PDE1C: variants seen among roughly 807,000 people sequenced by gnomAD.
PDE1C encodes the protein phosphodiesterase 1C.
In PDE1C, 62 loss-of-function variants were observed where a neutral mutation model predicts 93.1. The observed-to-expected ratio is 0.67, with a 90% CI of 0.54 to 0.82. The LOEUF (loss-of-function observed/expected upper bound fraction) is 0.82, where lower values mean the gene tolerates loss of function less well. PDE1C is among the 40% of genes least tolerant of loss of function. The probability of loss-of-function intolerance (pLI) is 0.00; values close to 1 mark genes in which losing one functional copy is unlikely to be tolerated. For synonymous variants in PDE1C, 325 were observed against 310.1 expected (o/e 1.05, Z -0.50); for missense variants, 742 against 884.6 (o/e 0.84, Z 2.04).
At chr7:31,935,551 G>A (rs556348761) in intron 2 of PDE1C, among the ~76,000 whole-genome samples, 12 of 152,020 alleles carry the variant, frequency 7.9e-5, no homozygotes, top group South Asian at 2.1e-4. Flanking sequence ...TGATACAAGC[G>A]CACATTCATT....
At chr7:31,960,694 T>G (rs1467709403) in intron 2 of PDE1C, among the ~76,000 whole-genome samples, 7 of 151,744 alleles carry the variant, frequency 4.6e-5, no homozygotes, top group African/African-American at 1.5e-4. Flanking sequence ...GGGTGAAGAG[T>G]GTATAGGAGT....
the PDE1C span, among the ~76,000 whole-genome samples, chr7:31,740,373 C>T: frequency 5.9e-3 from 892 of 152,258 alleles, 2 homozygotes; most frequent in Non-Finnish European, 0.01. Context: ...CAGACAGGCA[C>T]ATATAGATAT....
intron 7 of PDE1C, among the ~76,000 whole-genome samples, chr7:31,859,256 G>A (rs572554165): frequency 1.9e-4 from 29 of 149,560 alleles, no homozygotes; most frequent in African/African-American, 7.1e-4. Flanking sequence ...GAGAGAGTCA[G>A]GATCACAGTA....
At chr7:31,984,561 A>G (rs557025199) in intron 2 of PDE1C, among the ~76,000 whole-genome samples, 117 of 152,226 alleles carry the variant, frequency 7.7e-4, no homozygotes, top group Non-Finnish European at 1.1e-3. Flanking sequence ...TTGAAGGGCC[A>G]TGGTCCCCTT....
intron 2 of PDE1C, among the ~76,000 whole-genome samples, chr7:31,999,728 C>T (rs1785222108): frequency 3.3e-5 from 5 of 152,156 alleles, no homozygotes; most frequent in Admixed American, 3.3e-4. Context: ...TTACACTTTA[C>T]CATATACAAT....
chr7:31,837,366 A>T (rs1460953677), intron 10 of PDE1C, 66 bp from the exon 11 acceptor site: 1 of 1,421,144 alleles, frequency 7.0e-7, no homozygotes, highest in African/African-American at 1.5e-5. Flanking sequence ...AGAGTTTTTT[A>T]AAAATCATTA....
intron 2 of PDE1C, among the ~76,000 whole-genome samples, chr7:32,042,025 C>G (rs1183495498): frequency 6.6e-6 from 1 of 152,176 alleles, no homozygotes; most frequent in Non-Finnish European, 1.5e-5. Context: ...CCAGGCTGAG[C>G]ACAGTGGCTC....
the PDE1C span, among the ~76,000 whole-genome samples, chr7:31,635,737 G>C: frequency 6.6e-6 from 1 of 151,952 alleles, no homozygotes; most frequent in East Asian, 1.9e-4. Flanking sequence ...AGAACACATG[G>C]ACACAGGGAG....
the PDE1C span, chr7:31,642,206 A>C: frequency 6.4e-7 from 1 of 1,561,994 alleles, no homozygotes; most frequent in Non-Finnish European, 8.7e-7. Flanking sequence ...AATAGCTGCC[A>C]GTCTGACAGC....
chr7:32,237,742 GTATA>G (rs372356671), intron 1 of PDE1C, among the ~76,000 whole-genome samples: 2 of 31,232 alleles, frequency 6.4e-5, no homozygotes, highest in East Asian at 1.1e-3. Flanking sequence ...TTGGCTCTGT[GTATA>G]TATATATATA....
At chr7:31,756,084 A>C (rs1794446961) in intron 17 of PDE1C, among the ~76,000 whole-genome samples, 4 of 152,150 alleles carry the variant, frequency 2.6e-5, no homozygotes, top group Admixed American at 2.0e-4. Flanking sequence ...AGGCAGGAGA[A>C]TCGCTTGAAC....
upstream of PDE1C, among the ~76,000 whole-genome samples, chr7:32,303,056 C>G (rs529599509): frequency 1.8e-4 from 28 of 152,240 alleles, no homozygotes; most frequent in Admixed American, 1.5e-3. Flanking sequence ...TTGATAGAAC[C>G]CAAACTGGGC....
At chr7:31,943,856 G>A (rs904791583) in intron 2 of PDE1C, among the ~76,000 whole-genome samples, 7 of 152,114 alleles carry the variant, frequency 4.6e-5, no homozygotes, top group Admixed American at 2.6e-4. Flanking sequence ...CAGAACTATG[G>A]CAGAATCTTT....
At chr7:31,926,016 ATGC>A (rs1020570279) in intron 2 of PDE1C, among the ~76,000 whole-genome samples, 5 of 151,854 alleles carry the variant, frequency 3.3e-5, no homozygotes, top group Admixed American at 3.3e-4. Flanking sequence ...CAAACAGTCT[ATGC>A]TGTAGGACAC....
chr7:31,900,514 A>G (rs899125706), intron 2 of PDE1C, among the ~76,000 whole-genome samples: 2 of 151,742 alleles, frequency 1.3e-5, no homozygotes, highest in African/African-American at 4.8e-5. Flanking sequence ...TATTAACAGT[A>G]AGTTAAAATT....
intron 5 of PDE1C, 65 bp downstream of exon 5, chr7:31,877,904 TA>T: frequency 9.7e-7 from 1 of 1,026,030 alleles, no homozygotes; most frequent in African/African-American, 1.6e-5. Flanking sequence ...TCTTATTTTC[TA>T]ACAAATTTAA....
At chr7:31,693,398 T>A in the PDE1C span, among the ~76,000 whole-genome samples, 4 of 152,162 alleles carry the variant, frequency 2.6e-5, no homozygotes, top group African/African-American at 9.7e-5. Flanking sequence ...TTAACTGTGC[T>A]ATGTGGCAAT....
intron 7 of PDE1C, among the ~76,000 whole-genome samples, chr7:31,851,091 C>CACACAT (rs1793277331): frequency 9.2e-5 from 1 of 10,858 alleles, no homozygotes; most frequent in Admixed American, 2.0e-3. Flanking sequence ...CACACACACA[C>CACACAT]ACACACACAT....
chr7:32,363,118 A>T (rs897843480), intron 1 of PDE1C, among the ~76,000 whole-genome samples: 5 of 152,300 alleles, frequency 3.3e-5, no homozygotes, highest in African/African-American at 1.2e-4. Context: ...CTAAGCCAGG[A>T]ACACCTTTGA....
Sources: gnomAD v4.1 joint callset for allele counts (sites outside exome capture counted in the v4.1 genomes callset) on GRCh38, gnomAD v4.1.1 for gene constraint, MANE v1.5 for transcripts, NCBI Gene and HGNC (gene_info 2026-07-23, HGNC 2026-07-21) for gene names.